TMEM132D: variants seen among roughly 807,000 people sequenced by gnomAD.
TMEM132D encodes transmembrane protein 132D.
In TMEM132D, 21 loss-of-function variants were observed where a neutral mutation model predicts 62.3. The ratio of observed to expected loss-of-function variants is 0.34; its 90% CI spans 0.24 to 0.49. The LOEUF (loss-of-function observed/expected upper bound fraction) is 0.49. Ranked by LOEUF, TMEM132D falls within the 20% of genes least tolerant of loss-of-function variation. The pLI is 0.99. For missense variants in TMEM132D, 1,346 were observed against 1,402.8 expected, an observed-to-expected ratio of 0.96 and a Z score of 0.65; for synonymous variants, 621 against 575.6, an observed-to-expected ratio of 1.08 and a Z score of -1.13.
At chr12:129,897,421 A>G (rs1395705694) in intron 1 of TMEM132D, among the ~76,000 whole-genome samples, 2 of 152,096 alleles carry the variant, frequency 1.3e-5, no homozygotes, top group Non-Finnish European at 2.9e-5. Context: ...CTGGAAGACC[A>G]GAGGCCATGT....
chr12:129,752,061 T>G (rs1208194792), intron 1 of TMEM132D, among the ~76,000 whole-genome samples: 1 of 152,172 alleles, frequency 6.6e-6, no homozygotes, highest in Non-Finnish European at 1.5e-5. Flanking sequence ...AAATATCAAT[T>G]TGCCAACACA....
chr12:129,551,613 G>C (rs1276266292), intron 2 of TMEM132D, among the ~76,000 whole-genome samples: 1 of 152,096 alleles, frequency 6.6e-6, no homozygotes, highest in Non-Finnish European at 1.5e-5. Flanking sequence ...CAATCAGTTG[G>C]GGCTGCCACC....
chr12:129,456,741 G>C (rs550690339), intron 3 of TMEM132D, among the ~76,000 whole-genome samples: 18 of 152,240 alleles, frequency 1.2e-4, no homozygotes, highest in Admixed American at 9.8e-4. Context: ...GGTCATCCCA[G>C]TCCACTCTTG....
At chr12:129,334,361 T>G (rs1194502909) in intron 4 of TMEM132D, among the ~76,000 whole-genome samples, 3 of 147,416 alleles carry the variant, frequency 2.0e-5, no homozygotes, top group African/African-American at 5.4e-5. Flanking sequence ...GATCTAAAAT[T>G]TCTTTCACAT....
intron 2 of TMEM132D, among the ~76,000 whole-genome samples, chr12:129,542,404 C>T (rs900063916): frequency 6.6e-5 from 10 of 152,086 alleles, no homozygotes; most frequent in African/African-American, 1.4e-4. Context: ...AAATCAAAAG[C>T]GGAACTATGG....
At chr12:129,859,237 C>G (rs918579987) in intron 1 of TMEM132D, among the ~76,000 whole-genome samples, 1 of 152,178 alleles carries the variant, frequency 6.6e-6, no homozygotes, top group Non-Finnish European at 1.5e-5. Flanking sequence ...AGACTGTGGT[C>G]GAGAACCATA....
chr12:129,781,899 T>C (rs970174981), intron 1 of TMEM132D, among the ~76,000 whole-genome samples: 1 of 152,192 alleles, frequency 6.6e-6, no homozygotes, highest in Admixed American at 6.5e-5. Context: ...AGCAGTCACA[T>C]TTACACTGGA....
intron 3 of TMEM132D, among the ~76,000 whole-genome samples, chr12:129,447,075 C>G (rs867511087): frequency 2.6e-5 from 4 of 152,178 alleles, no homozygotes; most frequent in Admixed American, 6.5e-5. Context: ...TGCCCTTCAC[C>G]AGCCCAAACC....
At chr12:129,722,713 C>T (rs1407210105) in intron 1 of TMEM132D, among the ~76,000 whole-genome samples, 8 of 150,236 alleles carry the variant, frequency 5.3e-5, no homozygotes, top group Admixed American at 4.7e-4. Flanking sequence ...TGGTTGTTTT[C>T]ATCAATCCTG....
intron 2 of TMEM132D, among the ~76,000 whole-genome samples, chr12:129,610,277 C>CAAA (rs34621276): frequency 2.8e-5 from 3 of 108,746 alleles, no homozygotes; most frequent in African/African-American, 1.1e-4. Context: ...GGCTCTGTCT[C>CAAA]AAAAAAAAAA....
intron 1 of TMEM132D, among the ~76,000 whole-genome samples, chr12:129,733,460 T>C (rs1453159440): frequency 6.6e-6 from 1 of 152,108 alleles, no homozygotes; most frequent in African/African-American, 2.4e-5. Context: ...CTTCAGATAA[T>C]TCCAGCCTCT....
At chr12:129,232,095 C>T (rs796531331) in intron 4 of TMEM132D, among the ~76,000 whole-genome samples, 3 of 152,288 alleles carry the variant, frequency 2.0e-5, no homozygotes, top group African/African-American at 7.2e-5. Flanking sequence ...TAGTGGGTCT[C>T]ACACTCTGAT....
intron 2 of TMEM132D, among the ~76,000 whole-genome samples, chr12:129,669,512 C>A (rs1211558164): frequency 1.3e-5 from 2 of 152,070 alleles, no homozygotes; most frequent in Non-Finnish European, 2.9e-5. Flanking sequence ...CGAGACCAGG[C>A]TGGCCAACAT....
At chr12:129,178,785 C>A (rs1478341934) in intron 5 of TMEM132D, among the ~76,000 whole-genome samples, 1 of 152,166 alleles carries the variant, frequency 6.6e-6, no homozygotes, top group Non-Finnish European at 1.5e-5. Flanking sequence ...CTTTTGCAAC[C>A]AGGAGCTTTA....
chr12:129,903,438 G>C lies in TMEM132D; in HGVS notation c.-99C>G. On this transcript the variant is annotated 5_prime_UTR_variant, in exon 1 of 9. Transcript: ENST00000422113. The surrounding 1 kb of genome is among the most constrained non-coding windows in gnomAD (Gnocchi z 6.2). ...AGAGGCCCGCAGCGGGGCCGGTGGC[G>C]AGGGAGCGCCCGGCTAGGGGCCCGA... 7.6e-7 allele frequency: 1 copy of C among 1,318,006 alleles called. No homozygotes were observed. The highest frequency in any genetic ancestry group is 1.1e-6 in the Non-Finnish European group (1 of 946,046). The allele number at this position is 1,318,006 out of a possible 1,614,324, so 81.6% of individuals were successfully genotyped here. A position where few individuals can be genotyped will look rare whatever the true frequency, so the allele number is the denominator to read the frequency against.
intron 1 of TMEM132D, among the ~76,000 whole-genome samples, chr12:129,746,258 G>A (rs1430336513): frequency 6.6e-6 from 1 of 152,202 alleles, no homozygotes. Context: ...CAGGTAAAGA[G>A]TCTGTGTCTC....
intron 2 of TMEM132D, among the ~76,000 whole-genome samples, chr12:129,571,401 G>A (rs1421453963): frequency 6.6e-6 from 1 of 151,848 alleles, no homozygotes; most frequent in East Asian, 1.9e-4. Flanking sequence ...CTGTCTCTAT[G>A]GAAAATACAA....
In TMEM132D at chr12:129,562,003, T is replaced by G. The variant is rs74656381; in HGVS notation, c.969-30798A>C. 8.9e-4 allele frequency among the ~76,000 whole-genome samples: 136 copies of G among 152,306 alleles called. 1 individual carries two copies. The East Asian group carries it at 0.023, about 26-fold the overall frequency. On this transcript the variant is annotated intron_variant, in intron 2 of 8. Transcript: ENST00000422113. Reference sequence around the variant, plus strand: ...GTGGACTTACCTCCAGAAATAGAAATGCCACTTTATTTTAATGACTGTTGT... The same window carrying G: ...GTGGACTTACCTCCAGAAATAGAAAGGCCACTTTATTTTAATGACTGTTGT...
chr12:129,516,475 T>C (rs1875682915), intron 3 of TMEM132D, among the ~76,000 whole-genome samples: 1 of 152,170 alleles, frequency 6.6e-6, no homozygotes, highest in Non-Finnish European at 1.5e-5. Flanking sequence ...AAGGCACATC[T>C]TACATGGTGG....
Sources: gnomAD v4.1 joint callset for allele counts (sites outside exome capture counted in the v4.1 genomes callset) on GRCh38, gnomAD v4.1.1 for gene constraint, Gnocchi (gnomAD v3.1) non-coding constraint, MANE v1.5 for transcripts, NCBI Gene and HGNC (gene_info 2026-07-23, HGNC 2026-07-21) for gene names.